The following SEMA6D variants were observed in gnomAD, a reference collection of about 807,000 sequenced individuals.
The protein encoded by SEMA6D is semaphorin 6D, also known as semaphorin-6D.
A neutral mutation model predicts 106.6 loss-of-function variants in SEMA6D; 35 were observed. The ratio of observed to expected loss-of-function variants is 0.33; its 90% CI spans 0.25 to 0.44. The LOEUF (loss-of-function observed/expected upper bound fraction) is 0.44, where lower values mean the gene tolerates loss of function less well. Among genes scored for constraint, SEMA6D ranks in the 20% least tolerant of loss-of-function variants. SEMA6D has a pLI of 1.00. For synonymous variants in SEMA6D, 499 were observed against 487.7 expected (o/e 1.02, Z -0.31); for missense variants, 1,185 against 1,345.9 (o/e 0.88, Z 1.87).
At chr15:47,277,945 T>A (rs1409592257) in intron 1 of SEMA6D, among the ~76,000 whole-genome samples, 4 of 152,012 alleles carry the variant, frequency 2.6e-5, no homozygotes, top group Admixed American at 6.6e-5. Flanking sequence ...CATGAACTCA[T>A]CATTTTTTAT....
At chr15:47,199,110 CTTGT>C (rs940350416) in intron 1 of SEMA6D, among the ~76,000 whole-genome samples, 3 of 152,158 alleles carry the variant, frequency 2.0e-5, no homozygotes, top group Non-Finnish European at 4.4e-5. Context: ...TGTAAGTCCA[CTTGT>C]TTGTTTGTTT....
At chr15:47,575,617 G>C (rs890438982) in intron 3 of SEMA6D, among the ~76,000 whole-genome samples, 2 of 152,130 alleles carry the variant, frequency 1.3e-5, no homozygotes, top group African/African-American at 4.8e-5. Context: ...TACCCGGGAG[G>C]CTGAGGCAGG....
intron 13 of SEMA6D, 169 bp downstream of exon 13, chr15:47,765,225 C>A: frequency 1.4e-6 from 2 of 1,403,932 alleles, no homozygotes; most frequent in Non-Finnish European, 1.8e-6. Flanking sequence ...TTTCCCGAGC[C>A]TGCTAGGGCG....
intron 1 of SEMA6D, among the ~76,000 whole-genome samples, chr15:47,197,660 C>G (rs1595727545): frequency 6.6e-6 from 1 of 152,076 alleles, no homozygotes; most frequent in African/African-American, 2.4e-5. Flanking sequence ...AGCATTAAGT[C>G]TTGTTTGATG....
At chr15:47,566,540 A>G (rs1366892183) in intron 3 of SEMA6D, among the ~76,000 whole-genome samples, 1 of 152,238 alleles carries the variant, frequency 6.6e-6, no homozygotes, top group Non-Finnish European at 1.5e-5. Flanking sequence ...GGGGCTTCCC[A>G]TAGTGACAAA....
In SEMA6D at chr15:47,354,584, C is replaced by T. The variant is rs12916787; in HGVS notation, c.-238-57809C>T. Among the ~76,000 whole-genome samples the T allele has an allele frequency of 7.3e-5, 11 of 150,752 alleles. 1 individual carries two copies. The South Asian group carries it at 2.1e-3, about 29-fold the overall frequency. ...ATGTGTACATATATATATACACACACATATATATGTATATATACACATATG... is the reference window on the plus strand; with the variant it reads ...ATGTGTACATATATATATACACACATATATATATGTATATATACACATATG... On this transcript the variant is annotated intron_variant, in intron 1 of 19. Transcript: ENST00000558014.
At chr15:47,599,449 C>CT (rs34592398) in intron 3 of SEMA6D, among the ~76,000 whole-genome samples, 119,842 of 146,686 alleles carry the variant, frequency 0.82, 49,281 homozygotes, top group Non-Finnish European at 0.87. Flanking sequence ...CTGCCTTACG[C>CT]TTTTTTTTTT....
intron 1 of SEMA6D, among the ~76,000 whole-genome samples, chr15:47,315,108 C>T (rs1036607380): frequency 3.3e-5 from 5 of 151,754 alleles, no homozygotes; most frequent in African/African-American, 1.2e-4. Context: ...CCTCGTGATC[C>T]GCCTGCCTCG....
At chr15:47,663,740 T>G (rs1004418900) in intron 4 of SEMA6D, among the ~76,000 whole-genome samples, 1 of 152,218 alleles carries the variant, frequency 6.6e-6, no homozygotes, top group Non-Finnish European at 1.5e-5. Flanking sequence ...TTCCAAGATA[T>G]TCTAAGAGTT....
chr15:47,397,466 A>C (rs1327558454), intron 1 of SEMA6D: 2 of 152,172 alleles, frequency 1.3e-5, no homozygotes, highest in Non-Finnish European at 2.9e-5. Flanking sequence ...ACAGGTGCTA[A>C]ATAAGTGTTC....
At chr15:47,568,188 C>A (rs1331930824) in intron 3 of SEMA6D, among the ~76,000 whole-genome samples, 1 of 45,884 alleles carries the variant, frequency 2.2e-5, no homozygotes, top group Non-Finnish European at 4.4e-5. Flanking sequence ...ACTGATTTTG[C>A]CATTTAAAAA....
intron 1 of SEMA6D, among the ~76,000 whole-genome samples, chr15:47,203,742 C>T (rs896945166): frequency 6.6e-6 from 1 of 152,160 alleles, no homozygotes; most frequent in African/African-American, 2.4e-5. Context: ...AAAGGATCAT[C>T]ACCTTCTTTC....
chr15:47,681,295 G>T (rs948362071), intron 4 of SEMA6D, among the ~76,000 whole-genome samples: 1 of 152,192 alleles, frequency 6.6e-6, no homozygotes, highest in African/African-American at 2.4e-5. Flanking sequence ...GTCATATCCT[G>T]CCATATGGAT....
intron 1 of SEMA6D, among the ~76,000 whole-genome samples, chr15:47,252,119 G>A (rs911377126): frequency 2.8e-5 from 4 of 144,880 alleles, no homozygotes; most frequent in African/African-American, 5.2e-5. Context: ...GGGTTTCACC[G>A]TGTTAGCCAG....
chr15:47,593,222 G>GT (rs1314360388), intron 3 of SEMA6D, among the ~76,000 whole-genome samples: 1 of 151,860 alleles, frequency 6.6e-6, no homozygotes. Context: ...GGCTAACACG[G>GT]TAAAACCCTG....
rs1172707329 is a variant in SEMA6D at position 47,494,789 on chromosome 15, T to TATATATAA, written c.-87+24245_-87+24246insTATATAAA. Among the ~76,000 whole-genome samples the TATATATAA allele has an allele frequency of 3.2e-4, 28 of 88,864 alleles. 1 individual carries two copies. Among genetic ancestry groups the TATATATAA allele is most frequent in the African/African-American group, 1.4e-3 (27 of 19,838 alleles). The allele number at this position is 88,864 out of a possible 152,430, so 58.3% of individuals were successfully genotyped here. ...ATATATATATATATATATATATATA[T>TATATATAA]AATCTCCAGATACACACACACACAC... On this transcript the variant is annotated intron_variant, in intron 3 of 19. Coordinates refer to the SEMA6D transcript ENST00000558014.
intron 3 of SEMA6D, among the ~76,000 whole-genome samples, chr15:47,496,777 T>G (rs1004491846): frequency 1.2e-4 from 19 of 152,038 alleles, no homozygotes; most frequent in Admixed American, 6.6e-5. Flanking sequence ...TGATGATGAT[T>G]CAAGGATGTC....
chr15:47,354,058 T>C (rs933929316), intron 1 of SEMA6D, among the ~76,000 whole-genome samples: 1 of 151,646 alleles, frequency 6.6e-6, no homozygotes, highest in African/African-American at 2.4e-5. Context: ...ATTCTCTCTC[T>C]CTCTCTACAT....
chr15:47,240,868 A>C (rs551780570), intron 1 of SEMA6D, among the ~76,000 whole-genome samples: 1 of 152,278 alleles, frequency 6.6e-6, no homozygotes, highest in Admixed American at 6.5e-5. Flanking sequence ...TGTAAATCCT[A>C]CTGATGACTG....
Sources: allele counts gnomAD v4.1 joint callset (sites outside exome capture counted in the v4.1 genomes callset), GRCh38; gene constraint gnomAD v4.1.1; transcripts MANE v1.5; gene names NCBI Gene and HGNC (gene_info 2026-07-23, HGNC 2026-07-21).